The following MCTP1 variants were observed in gnomAD, a reference collection of about 807,000 sequenced individuals.
MCTP1 encodes multiple C2 and transmembrane domain containing 1.
In MCTP1, 69 loss-of-function variants were observed where a neutral mutation model predicts 120.6. That is an observed-to-expected ratio of 0.57 (90% CI 0.47 to 0.70). The LOEUF is 0.70. MCTP1 is among the 30% of genes least tolerant of loss of function. MCTP1 has a pLI of 0.00. For missense variants in MCTP1, 1,203 were observed against 1,248.8 expected (o/e 0.96, Z 0.55); for synonymous variants, 529 against 493.1 (o/e 1.07, Z -0.96).
At chr5:95,068,840 A>G in intron 1 of MCTP1, 1 of 1,259,422 alleles carries the variant, frequency 7.9e-7, no homozygotes, top group Admixed American at 2.6e-5. Flanking sequence ...CTGCCAAAGA[A>G]ATTATAAAAA....
chr5:94,768,678 A>G (rs941846906), intron 19 of MCTP1, among the ~76,000 whole-genome samples: 4 of 152,210 alleles, frequency 2.6e-5, no homozygotes, highest in Non-Finnish European at 5.9e-5. Flanking sequence ...AACCAAAACT[A>G]CAATGAAATA....
At position 95,107,339 on chromosome 5, in the gene MCTP1, T is replaced by C. The variant is rs140939623; in HGVS notation, c.721-89855A>G. ...TGAAATGCTTCAGGGCATTTGCTTTTAATAAATGAAAAGTTGCATGGCAAC... is the reference window on the plus strand; with the variant it reads ...TGAAATGCTTCAGGGCATTTGCTTTCAATAAATGAAAAGTTGCATGGCAAC... On this transcript the variant is annotated intron_variant, in intron 1 of 22. Coordinates refer to ENST00000515393, the MANE Select transcript of MCTP1 (RefSeq NM_024717.7). Among the ~76,000 whole-genome samples the C allele has an allele frequency of 7.5e-3, 1,145 of 152,314 alleles. 13 individuals are homozygous for C. Among genetic ancestry groups the C allele is most frequent in the African/African-American group, 0.022 (935 of 41,570 alleles).
chr5:94,899,674 C>A (rs1804991686), intron 10 of MCTP1, among the ~76,000 whole-genome samples: 1 of 152,146 alleles, frequency 6.6e-6, no homozygotes, highest in South Asian at 2.1e-4. Context: ...GACAATGTCC[C>A]ACACCTCTTC....
At chr5:95,257,558 T>A (rs1264313200) in intron 1 of MCTP1, among the ~76,000 whole-genome samples, 5 of 152,118 alleles carry the variant, frequency 3.3e-5, no homozygotes, top group African/African-American at 1.2e-4. Context: ...TTTGTCCAAT[T>A]TTGTGTTTTT....
intron 1 of MCTP1, among the ~76,000 whole-genome samples, chr5:95,239,022 T>C (rs75586559): frequency 6.6e-6 from 1 of 152,198 alleles, no homozygotes; most frequent in Non-Finnish European, 1.5e-5. Flanking sequence ...TTGGCTATCA[T>C]GCATCTAACT....
intron 17 of MCTP1, among the ~76,000 whole-genome samples, chr5:94,844,301 C>CAAAAAAAA (rs59169145): frequency 1.0e-4 from 8 of 79,688 alleles, no homozygotes; most frequent in Non-Finnish European, 1.6e-4. Context: ...GACTCTGTCT[C>CAAAAAAAA]AAAAAAAAAA....
chr5:94,794,860 A>G (rs1177193934), intron 18 of MCTP1, among the ~76,000 whole-genome samples: 5 of 152,114 alleles, frequency 3.3e-5, no homozygotes, highest in Non-Finnish European at 7.4e-5. Flanking sequence ...GTCAGCTTGA[A>G]GGTAGAGTTA....
At chr5:95,154,842 T>C (rs915779745) in intron 1 of MCTP1, among the ~76,000 whole-genome samples, 4 of 152,132 alleles carry the variant, frequency 2.6e-5, no homozygotes, top group African/African-American at 9.7e-5. Context: ...GGATAAATTT[T>C]GTGATAATTT....
intron 1 of MCTP1, among the ~76,000 whole-genome samples, chr5:95,040,863 A>G (rs1213608474): frequency 3.3e-5 from 5 of 152,164 alleles, no homozygotes; most frequent in Non-Finnish European, 7.4e-5. Context: ...CTGGGTGAGA[A>G]TGAGAAAACA....
intron 7 of MCTP1, among the ~76,000 whole-genome samples, chr5:94,920,728 G>A (rs456863): frequency 0.73 from 109,809 of 150,630 alleles, 40,289 homozygotes; most frequent in East Asian, 0.92. Context: ...GGCGACAGAG[G>A]GAGATTCCGT....
chr5:94,707,358 A>C lies in MCTP1; in HGVS notation c.*138T>G. 1 of 651,846 alleles carries C rather than the reference A, an allele frequency of 1.5e-6. No individual in the cohort carries two copies. The highest frequency in any genetic ancestry group is 2.7e-5 in the East Asian group (1 of 36,804). The allele number at this position is 651,846 out of a possible 1,614,324, so 40.4% of individuals were successfully genotyped here. On this transcript the variant is annotated 3_prime_UTR_variant, in exon 23 of 23. Transcript: ENST00000515393. ...TATTCAAAGACATATGCCTTTGTAC[A>C]CTATTTACAGATTCTCTCGATCATG... is the stretch of plus-strand genomic sequence containing the variant.
intron 1 of MCTP1, among the ~76,000 whole-genome samples, chr5:95,254,505 G>A (rs570124731): frequency 6.6e-6 from 1 of 152,140 alleles, no homozygotes; most frequent in East Asian, 1.9e-4. Flanking sequence ...AGTTAATAAG[G>A]CATTCCGTCT....
intron 16 of MCTP1, among the ~76,000 whole-genome samples, chr5:94,869,060 A>T: frequency 6.6e-6 from 1 of 151,904 alleles, no homozygotes; most frequent in Admixed American, 6.6e-5. Context: ...GAAGTAGGGA[A>T]AAATATATGG....
chr5:94,861,143 T>C (rs773839247), intron 17 of MCTP1, among the ~76,000 whole-genome samples: 10 of 151,828 alleles, frequency 6.6e-5, no homozygotes, highest in Non-Finnish European at 1.0e-4. Flanking sequence ...GTGTTGGACC[T>C]CTGTCATCAC....
intron 1 of MCTP1, among the ~76,000 whole-genome samples, chr5:95,076,215 T>C (rs1753526547): frequency 1.3e-5 from 2 of 152,032 alleles, no homozygotes; most frequent in African/African-American, 2.4e-5. Context: ...TCTCTCTCTG[T>C]CTCTCAAAAT....
At chr5:94,883,761 T>C (rs1800636660) in intron 12 of MCTP1, among the ~76,000 whole-genome samples, 1 of 152,184 alleles carries the variant, frequency 6.6e-6, no homozygotes, top group African/African-American at 2.4e-5. Flanking sequence ...TACAATCCTA[T>C]TTTAAAAAGC....
At chr5:94,891,663 T>C (rs1008313683) in intron 11 of MCTP1, among the ~76,000 whole-genome samples, 32 of 152,112 alleles carry the variant, frequency 2.1e-4, no homozygotes, top group African/African-American at 7.7e-4. Context: ...GAAGGTTTCA[T>C]TTCCCCAAGT....
chr5:94,827,648 G>A (rs1223751002), intron 17 of MCTP1, among the ~76,000 whole-genome samples: 1 of 151,826 alleles, frequency 6.6e-6, no homozygotes, highest in Non-Finnish European at 1.5e-5. Flanking sequence ...ATATTTCTTG[G>A]AGGCTTTGTT....
intron 19 of MCTP1, among the ~76,000 whole-genome samples, chr5:94,749,385 T>G (rs1015202536): frequency 6.6e-6 from 1 of 152,134 alleles, no homozygotes. Context: ...CCAGCTGTGG[T>G]GGCTCACGTC....
Sources: allele counts gnomAD v4.1 joint callset (sites outside exome capture counted in the v4.1 genomes callset), GRCh38; gene constraint gnomAD v4.1.1; transcripts MANE v1.5; gene names NCBI Gene and HGNC (gene_info 2026-07-23, HGNC 2026-07-21).